Variants in FHOD3 observed in about 807,000 individuals in gnomAD.
FHOD3 encodes FH1/FH2 domain-containing protein 3.
A neutral mutation model predicts 173.0 loss-of-function variants in FHOD3; 90 were observed. The ratio of observed to expected loss-of-function variants is 0.52; its 90% CI spans 0.44 to 0.62. The LOEUF (loss-of-function observed/expected upper bound fraction) is 0.62, where lower values mean the gene tolerates loss of function less well. Ranked by LOEUF, FHOD3 falls within the 20% of genes least tolerant of loss-of-function variation. FHOD3 has a pLI of 0.00. For missense variants in FHOD3, 1,945 were observed against 2,034.7 expected (o/e 0.96, Z 0.85); for synonymous variants, 828 against 823.0 (o/e 1.01, Z -0.10).
intron 27 of FHOD3, among the ~76,000 whole-genome samples, chr18:36,768,129 T>G (rs1181139994): frequency 6.6e-6 from 1 of 152,240 alleles, no homozygotes; most frequent in Non-Finnish European, 1.5e-5. Flanking sequence ...TTTGAAGTTG[T>G]TGTGCATCTA....
intron 17 of FHOD3, among the ~76,000 whole-genome samples, chr18:36,695,672 G>C (rs1485414586): frequency 6.6e-6 from 1 of 152,158 alleles, no homozygotes; most frequent in African/African-American, 2.4e-5. Context: ...TTATAAAATT[G>C]GACATCGCAA....
intron 14 of FHOD3, among the ~76,000 whole-genome samples, chr18:36,658,590 G>A (rs570485288): frequency 1.1e-4 from 16 of 152,122 alleles, no homozygotes; most frequent in Non-Finnish European, 2.4e-4. Flanking sequence ...GCCCATTAAG[G>A]TGCTGTATAA....
At chr18:36,519,497 G>C (rs914128888) in intron 5 of FHOD3, among the ~76,000 whole-genome samples, 1 of 152,146 alleles carries the variant, frequency 6.6e-6, no homozygotes, top group South Asian at 2.1e-4. Flanking sequence ...GGGTGGTTTG[G>C]AGGCTCCTCG....
chr18:36,452,054 T>C (rs2051884033), intron 3 of FHOD3, among the ~76,000 whole-genome samples: 1 of 152,172 alleles, frequency 6.6e-6, no homozygotes, highest in Non-Finnish European at 1.5e-5. Flanking sequence ...GCTGGGCTCC[T>C]GGGGATGAGG....
At chr18:36,565,012 T>A (rs1328857433) in intron 5 of FHOD3, among the ~76,000 whole-genome samples, 3 of 152,220 alleles carry the variant, frequency 2.0e-5, no homozygotes, top group Non-Finnish European at 4.4e-5. Flanking sequence ...CTTATTCTCC[T>A]TAATTTTCAT....
chr18:36,764,938 A>G (rs1600627266), intron 27 of FHOD3, among the ~76,000 whole-genome samples: 1 of 152,214 alleles, frequency 6.6e-6, no homozygotes, highest in Non-Finnish European at 1.5e-5. Context: ...CCTCTCTGTG[A>G]GCATTTGCCA....
At chr18:36,557,751 C>G (rs1388741535) in intron 5 of FHOD3, among the ~76,000 whole-genome samples, 3 of 149,208 alleles carry the variant, frequency 2.0e-5, no homozygotes, top group Non-Finnish European at 4.5e-5. Flanking sequence ...GGCCCAGTTA[C>G]TTGTAAACAT....
At chr18:36,581,214 G>A (rs1220113634) in intron 6 of FHOD3, among the ~76,000 whole-genome samples, 1 of 152,230 alleles carries the variant, frequency 6.6e-6, no homozygotes, top group Non-Finnish European at 1.5e-5. Context: ...GAGGTAAGAG[G>A]CAGATGCCAG....
intron 10 of FHOD3, among the ~76,000 whole-genome samples, chr18:36,648,219 G>A (rs530440475): frequency 6.6e-6 from 1 of 152,154 alleles, no homozygotes; most frequent in Non-Finnish European, 1.5e-5. Flanking sequence ...GTCAGGGGTG[G>A]GAAGGTTGGA....
intron 9 of FHOD3, among the ~76,000 whole-genome samples, chr18:36,621,618 A>G (rs2033716719): frequency 6.6e-6 from 1 of 152,204 alleles, no homozygotes; most frequent in Admixed American, 6.5e-5. Flanking sequence ...CCCAGTGTGT[A>G]AACACTTTTC....
intron 1 of FHOD3, among the ~76,000 whole-genome samples, chr18:36,313,264 A>G (rs2092297997): frequency 6.6e-6 from 1 of 152,198 alleles, no homozygotes; most frequent in Non-Finnish European, 1.5e-5. Flanking sequence ...TTATGGAAGA[A>G]TTGCCAAAGA....
chr18:36,491,325 C>T (rs989287788), intron 3 of FHOD3, among the ~76,000 whole-genome samples: 16 of 152,080 alleles, frequency 1.1e-4, no homozygotes, highest in Non-Finnish European at 1.8e-4. Context: ...CCCATATACC[C>T]CCTCAACCTT....
At chr18:36,625,963 A>G (rs1825973499) in intron 10 of FHOD3, among the ~76,000 whole-genome samples, 1 of 152,024 alleles carries the variant, frequency 6.6e-6, no homozygotes, top group African/African-American at 2.4e-5. Context: ...TCATCTTACT[A>G]ATCCCAGGAA....
intron 3 of FHOD3, among the ~76,000 whole-genome samples, chr18:36,475,431 G>C (rs1025435539): frequency 7.1e-6 from 1 of 139,888 alleles, no homozygotes; most frequent in Non-Finnish European, 1.5e-5. Flanking sequence ...ACTGGCTGCT[G>C]TCTTTTTAAA....
intron 14 of FHOD3, among the ~76,000 whole-genome samples, chr18:36,679,378 T>C (rs2038084344): frequency 6.9e-6 from 1 of 144,964 alleles, no homozygotes; most frequent in Non-Finnish European, 1.5e-5. Context: ...TTTTTGTCTA[T>C]ACACCTTCGT....
rs75038045 is a variant in FHOD3, at chr18:36,378,190, C to T, written c.337+5446C>T. On this transcript the variant is annotated intron_variant, in intron 3 of 28. Coordinates refer to ENST00000590592, the MANE Select transcript of FHOD3 (RefSeq NM_001281740.3). The stretch of plus-strand genomic sequence containing the variant: ...AGGCTCCTGAGTGGCCAACTGCAGC[C>T]TCAGCATGAGATGGGTTTGACACTG... 9.2e-3 allele frequency among the ~76,000 whole-genome samples: 1,394 copies of T among 152,230 alleles called. 15 individuals are homozygous for T. Among genetic ancestry groups the T allele is most frequent in the African/African-American group, 0.031 (1,300 of 41,540 alleles).
At chr18:36,692,264 T>C (rs1219196029) in intron 16 of FHOD3, among the ~76,000 whole-genome samples, 6 of 152,246 alleles carry the variant, frequency 3.9e-5, no homozygotes, top group Admixed American at 6.5e-5. Context: ...CCATGTCTAA[T>C]GCCCATTGTG....
chr18:36,658,216 T>C, intron 14 of FHOD3, 28 bp downstream of exon 14: 1 of 1,466,584 alleles, frequency 6.8e-7, no homozygotes, highest in East Asian at 2.5e-5. Context: ...GCTGATAGCT[T>C]CACAGTCCTC....
intron 10 of FHOD3, among the ~76,000 whole-genome samples, chr18:36,641,470 T>G (rs533954325): frequency 6.6e-6 from 1 of 152,340 alleles, no homozygotes; most frequent in East Asian, 1.9e-4. Context: ...ACTCAGGTCC[T>G]CTTTGGCTTT....
Sources: allele counts gnomAD v4.1 joint callset (sites outside exome capture counted in the v4.1 genomes callset), GRCh38; gene constraint gnomAD v4.1.1; transcripts MANE v1.5; gene names NCBI Gene and HGNC (gene_info 2026-07-23, HGNC 2026-07-21).